LIN28B: variants seen among roughly 807,000 people sequenced by gnomAD.
LIN28B encodes the protein lin-28 RNA binding posttranscriptional regulator B.
LIN28B carries 5 observed loss-of-function variants against 21.9 expected under a neutral mutation model. The ratio of observed to expected loss-of-function variants is 0.23; its 90% CI spans 0.12 to 0.48. The LOEUF (loss-of-function observed/expected upper bound fraction) is 0.48. Among genes scored for constraint, LIN28B ranks in the 20% least tolerant of loss-of-function variants. The pLI is 0.98. For synonymous variants in LIN28B, 109 were observed against 111.3 expected, an observed-to-expected ratio of 0.98 and a Z score of 0.13; for missense variants, 245 against 310.5, an observed-to-expected ratio of 0.79 and a Z score of 1.58.
At chr6:105,056,736 C>T (rs1401627224) in intron 3 of LIN28B, among the ~76,000 whole-genome samples, 1 of 152,166 alleles carries the variant, frequency 6.6e-6, no homozygotes, top group African/African-American at 2.4e-5. Context: ...TCTCTTCTCT[C>T]CAGTATCCTG....
At chr6:104,992,249 AG>A (rs769863747) in intron 2 of LIN28B, among the ~76,000 whole-genome samples, 53 of 152,020 alleles carry the variant, frequency 3.5e-4, no homozygotes, top group Admixed American at 1.6e-3. Flanking sequence ...TAGTAGAGAC[AG>A]GGTTTTTCCA....
chr6:104,949,588 G>C (rs1582858253), intron 2 of LIN28B, among the ~76,000 whole-genome samples: 1 of 152,316 alleles, frequency 6.6e-6, no homozygotes, highest in Admixed American at 6.5e-5. Context: ...AGTTGATATA[G>C]TAGGTCTAGT....
chr6:105,054,211 T>C (rs1187815420), intron 3 of LIN28B, among the ~76,000 whole-genome samples: 2 of 152,240 alleles, frequency 1.3e-5, no homozygotes, highest in African/African-American at 2.4e-5. Context: ...ATTATTGATA[T>C]GGTTAGATGC....
At chr6:104,975,032 C>CTGG (rs1770059021) in intron 2 of LIN28B, among the ~76,000 whole-genome samples, 1 of 152,192 alleles carries the variant, frequency 6.6e-6, no homozygotes, top group South Asian at 2.1e-4. Context: ...GTTGGCCAGG[C>CTGG]TGGTCTTGAA....
upstream of LIN28B, among the ~76,000 whole-genome samples, chr6:104,953,289 C>T (rs975129112): frequency 6.6e-6 from 1 of 152,146 alleles, no homozygotes; most frequent in Admixed American, 6.5e-5. Flanking sequence ...TGCTGGAAGA[C>T]AGCTCAGTTT....
In LIN28B at chr6:105,074,731, A is replaced by T. The variant is rs112697575; in HGVS notation, c.384-3683A>T. 1.2e-3 allele frequency among the ~76,000 whole-genome samples: 190 copies of T among 152,296 alleles called. 2 individuals are homozygous for T. Among genetic ancestry groups the T allele is most frequent in the African/African-American group, 4.5e-3 (185 of 41,560 alleles). ...ATTTTATCTTTGTTTGTTAAAACAG[A>T]GTCTAGCCCTGTTGCCCAGGCTGGA... On this transcript the variant is annotated intron_variant, in intron 3 of 3. Transcript: ENST00000345080.
At chr6:105,057,131 G>T (rs373795047) in intron 3 of LIN28B, among the ~76,000 whole-genome samples, 2 of 152,060 alleles carry the variant, frequency 1.3e-5, no homozygotes, top group East Asian at 3.9e-4. Context: ...ATTACATGTA[G>T]AAATTTATTT....
At chr6:104,968,363 CAGT>C (rs1210049601) in intron 2 of LIN28B, among the ~76,000 whole-genome samples, 1 of 152,160 alleles carries the variant, frequency 6.6e-6, no homozygotes, top group African/African-American at 2.4e-5. Flanking sequence ...AATGATTTCT[CAGT>C]AGTATTAAAA....
At chr6:105,056,032 A>T (rs1350425590) in intron 3 of LIN28B, among the ~76,000 whole-genome samples, 1 of 143,330 alleles carries the variant, frequency 7.0e-6, no homozygotes, top group Non-Finnish European at 1.5e-5. Context: ...AGGTGCTGGG[A>T]TTACAAGCAT....
intron 2 of LIN28B, among the ~76,000 whole-genome samples, chr6:104,971,706 T>A (rs1371152676): frequency 1.3e-5 from 2 of 152,198 alleles, no homozygotes; most frequent in African/African-American, 4.8e-5. Context: ...TATTTTTTTA[T>A]GTCCTCTACA....
chr6:104,939,070 A>C (rs1474479378), intron 2 of LIN28B, among the ~76,000 whole-genome samples: 1 of 152,246 alleles, frequency 6.6e-6, no homozygotes, highest in Non-Finnish European at 1.5e-5. Context: ...AAAACAGTTC[A>C]TTCTGTAAGT....
chr6:104,938,071 A>C (rs1378012360), intron 2 of LIN28B, among the ~76,000 whole-genome samples: 1 of 150,776 alleles, frequency 6.6e-6, no homozygotes, highest in Non-Finnish European at 1.5e-5. Context: ...AAAAAAAAAA[A>C]AAAAAAATTA....
rs1319253572 is a variant in LIN28B at position 105,080,904 on chromosome 6, C to T, written c.*2121C>T. ...GGAAATTATGGACTTCAAAATTGGA[C>T]ACTTCCTGTTTACAAAAAGAAATTC... is the stretch of plus-strand genomic sequence containing the variant. On this transcript the variant is annotated 3_prime_UTR_variant, in exon 4 of 4. Coordinates refer to ENST00000345080, the MANE Select transcript of LIN28B (RefSeq NM_001004317.4). 6.6e-6 allele frequency: 1 copy of T among 152,494 alleles called. No individual in the cohort carries two copies. Among genetic ancestry groups the T allele is most frequent in the Non-Finnish European group, 1.5e-5 (1 of 68,016 alleles). 9.4% of individuals were successfully genotyped at this position (152,494 alleles called of 1,614,324 possible).
intron 2 of LIN28B, among the ~76,000 whole-genome samples, chr6:104,994,525 C>T (rs185483022): frequency 1.3e-5 from 2 of 152,196 alleles, no homozygotes; most frequent in South Asian, 2.1e-4. Context: ...AGCTATAAAT[C>T]GTTCATAAAA....
At chr6:104,991,497 C>T (rs1183887750) in intron 2 of LIN28B, among the ~76,000 whole-genome samples, 7 of 150,886 alleles carry the variant, frequency 4.6e-5, no homozygotes, top group African/African-American at 9.8e-5. Flanking sequence ...GACGGGATGG[C>T]GGCCGGGAAG....
intron 2 of LIN28B, among the ~76,000 whole-genome samples, chr6:104,980,509 G>A (rs921575391): frequency 3.9e-5 from 6 of 152,116 alleles, no homozygotes; most frequent in African/African-American, 1.4e-4. Context: ...GTGCACAAAT[G>A]TATATATTCC....
chr6:104,965,001 T>C (rs2114580131), intron 2 of LIN28B, among the ~76,000 whole-genome samples: 1 of 152,330 alleles, frequency 6.6e-6, no homozygotes, highest in South Asian at 2.1e-4. Flanking sequence ...TATAACTGCC[T>C]AGTAAGTGTC....
At chr6:105,019,298 G>T (rs1439897200) in intron 2 of LIN28B, among the ~76,000 whole-genome samples, 2 of 152,094 alleles carry the variant, frequency 1.3e-5, no homozygotes, top group African/African-American at 4.8e-5. Flanking sequence ...TGACCCTTCA[G>T]ATACATGAAT....
rs572821980 is a variant in LIN28B at position 105,039,782 on chromosome 6, A to AT, written c.383+13301dup. Among the ~76,000 whole-genome samples, 33 of 152,208 alleles carry AT rather than the reference A, an allele frequency of 2.2e-4. No individual in the cohort carries two copies. In the East Asian group the frequency reaches 6.2e-3, roughly 29 times the overall value. On this transcript the variant is annotated intron_variant, in intron 3 of 3. Coordinates refer to ENST00000345080, the MANE Select transcript of LIN28B (RefSeq NM_001004317.4). ...ATTGTAGTTTTTGATGCTATTTTGAATGAATTTTTTTTCTTCAGTTTTAAC... is the reference window on the plus strand; with the variant it reads ...ATTGTAGTTTTTGATGCTATTTTGAATTGAATTTTTTTTCTTCAGTTTTAAC...
Sources: gnomAD v4.1 joint callset for allele counts (sites outside exome capture counted in the v4.1 genomes callset) on GRCh38, gnomAD v4.1.1 for gene constraint, MANE v1.5 for transcripts, NCBI Gene and HGNC (gene_info 2026-07-23, HGNC 2026-07-21) for gene names.